LRP1B: variants seen among roughly 807,000 people sequenced by gnomAD.
LRP1B encodes low-density lipoprotein receptor-related protein 1B.
LRP1B carries 217 observed loss-of-function variants against 556.6 expected under a neutral mutation model. That is an observed-to-expected ratio of 0.39 (90% CI 0.35 to 0.44). LRP1B has a LOEUF of 0.44. Ranked by LOEUF, LRP1B falls within the 20% of genes least tolerant of loss-of-function variation. LRP1B has a pLI of 1.00. For synonymous variants in LRP1B, 2,047 were observed against 1,865.8 expected (o/e 1.10, Z -2.50); for missense variants, 5,053 against 5,620.8 (o/e 0.90, Z 3.23).
intron 89 of LRP1B, among the ~76,000 whole-genome samples, chr2:140,236,823 T>C (rs1379162213): frequency 6.6e-6 from 1 of 150,996 alleles, no homozygotes; most frequent in Non-Finnish European, 1.5e-5. Flanking sequence ...AAAAATACAC[T>C]GACCAAGATT....
In LRP1B at chr2:140,274,552, C is replaced by T; in HGVS notation, c.13014G>A (p.Gly4338=). The T allele has an allele frequency of 4.3e-6, 7 of 1,612,474 alleles. No homozygotes were observed. The highest frequency in any genetic ancestry group is 5.9e-6 in the Non-Finnish European group (7 of 1,179,022). ...AGACACATTCAACACTTCCATCATC[C>T]CCAATGGTACATGATTCAGAATTCA... ...YCVNSESCTI[G]DDGSVECVCP... The change falls in exon 85 of 91, where the codon GGG becomes GGA. Residue 4338 remains glycine, a synonymous_variant. Coordinates refer to ENST00000389484, the MANE Select transcript of LRP1B (RefSeq NM_018557.3).
chr2:141,969,623 T>C (rs1701667704), intron 1 of LRP1B, among the ~76,000 whole-genome samples: 1 of 151,696 alleles, frequency 6.6e-6, no homozygotes, highest in African/African-American at 2.4e-5. Context: ...ACTGTGTTTC[T>C]ACACCATACT....
rs1162544476 is a variant in LRP1B at position 141,013,688 on chromosome 2, A to G, written c.2248T>C (p.Tyr750His). The G allele has an allele frequency of 6.2e-7, 1 of 1,604,270 alleles. No individual in the cohort carries two copies. Among genetic ancestry groups the G allele is most frequent in the Non-Finnish European group, 8.5e-7 (1 of 1,175,552 alleles). Reference protein sequence around the residue: ...HPFGLSHHGNYVFWTDYMNGS... With the variant: ...HPFGLSHHGNHVFWTDYMNGS... ...TTCATATAATCAGTCCAGAACACAT[A>G]ATTTCCATGATGCGACAGTCCGAAA... Residue 750 changes from tyrosine to histidine, a missense_variant, in exon 14 of 91, where the codon TAT (tyrosine) becomes CAT (histidine). Physicochemically the swap from Tyr to His is moderately conservative, Grantham distance 83 (BLOSUM62 2). Transcript: ENST00000389484.
At chr2:140,773,753 A>T (rs1312419839) in intron 33 of LRP1B, among the ~76,000 whole-genome samples, 2 of 151,884 alleles carry the variant, frequency 1.3e-5, no homozygotes, top group Admixed American at 6.6e-5. Flanking sequence ...AGAAATTAAT[A>T]GTGAAGGAGA....
rs560222496 is a variant in LRP1B, at chr2:141,896,546, A to G, written c.83-86145T>C. Among the ~76,000 whole-genome samples the G allele has an allele frequency of 1.6e-4, 24 of 152,258 alleles. No homozygotes were observed. In the South Asian group the frequency reaches 4.3e-3, roughly 28 times the overall value. On this transcript the variant is annotated intron_variant, in intron 1 of 90. Transcript: ENST00000389484. ...TTTCAAATTATTATTGATAAAGCAC[A>G]TTTTGAAATTCTTTTCCTTCATTTG...
rs1680110421 is a variant in LRP1B at position 140,540,960 on chromosome 2, TC to T, written c.7513+12del. ...CAGATTTGTCATATTACATTTCAAT[TC>T]CCTTTACTTACTCACACATCTGTTG... On this transcript the variant is annotated intron_variant, in intron 45 of 90. Transcript: ENST00000389484. The T allele has an allele frequency of 6.2e-7, 1 of 1,602,658 alleles. No homozygotes were observed. The highest frequency in any genetic ancestry group is 8.5e-7 in the Non-Finnish European group (1 of 1,174,680).
At chr2:141,746,898 T>G (rs1395542239) in intron 2 of LRP1B, among the ~76,000 whole-genome samples, 2 of 152,154 alleles carry the variant, frequency 1.3e-5, no homozygotes, top group African/African-American at 4.8e-5. Context: ...GCAAGTGATA[T>G]TCCCTCAATG....
intron 1 of LRP1B, among the ~76,000 whole-genome samples, chr2:141,917,414 T>C (rs577097479): frequency 5.3e-5 from 8 of 152,336 alleles, no homozygotes; most frequent in Non-Finnish European, 1.5e-5. Flanking sequence ...TATACCCACA[T>C]TGAGCTACTG....
At chr2:140,637,406 G>T (rs750099490) in intron 41 of LRP1B, among the ~76,000 whole-genome samples, 27 of 152,148 alleles carry the variant, frequency 1.8e-4, no homozygotes, top group Non-Finnish European at 3.4e-4. Context: ...AGGTCTTGGG[G>T]TGTACATAAT....
At chr2:140,675,531 T>G (rs2105367368) in intron 41 of LRP1B, among the ~76,000 whole-genome samples, 1 of 152,354 alleles carries the variant, frequency 6.6e-6, no homozygotes, top group East Asian at 1.9e-4. Context: ...TGCTGAAAGT[T>G]ACCAAATAGT....
At chr2:140,298,109 T>A in intron 83 of LRP1B, 140 bp from the exon 84 acceptor site, 1 of 621,608 alleles carries the variant, frequency 1.6e-6, no homozygotes, top group Non-Finnish European at 2.6e-6. Context: ...CTTTAGGCAG[T>A]AACAAGACTT....
chr2:140,586,833 A>G (rs1682005178), intron 43 of LRP1B: 2 of 152,182 alleles, frequency 1.3e-5, no homozygotes, highest in South Asian at 4.1e-4. Flanking sequence ...ATTACTCATC[A>G]TACCGAGAAC....
chr2:140,940,677 G>C (rs373693489), intron 20 of LRP1B, among the ~76,000 whole-genome samples: 110 of 152,162 alleles, frequency 7.2e-4, no homozygotes, highest in African/African-American at 2.5e-3. Flanking sequence ...ATCACTGATG[G>C]GCATTTGAAT....
At chr2:141,232,489 A>G (rs1683507719) in intron 5 of LRP1B, among the ~76,000 whole-genome samples, 1 of 152,194 alleles carries the variant, frequency 6.6e-6, no homozygotes. Flanking sequence ...GGGCATAAAC[A>G]TTCTTTGAAG....
intron 2 of LRP1B, among the ~76,000 whole-genome samples, chr2:141,610,575 A>T (rs918003339): frequency 6.6e-6 from 1 of 152,050 alleles, no homozygotes; most frequent in African/African-American, 2.4e-5. Context: ...CCTTTCTACC[A>T]TAAGGTACCC....
chr2:141,836,839 T>C, intron 1 of LRP1B, among the ~76,000 whole-genome samples: 1 of 152,110 alleles, frequency 6.6e-6, no homozygotes, highest in Non-Finnish European at 1.5e-5. Context: ...TATTTAAAAA[T>C]AATCTTAAAA....
At chr2:141,790,783 C>T (rs966059657) in intron 2 of LRP1B, among the ~76,000 whole-genome samples, 1 of 151,810 alleles carries the variant, frequency 6.6e-6, no homozygotes, top group East Asian at 1.9e-4. Flanking sequence ...ATGTTATATG[C>T]ATTACAAATA....
At chr2:141,478,414 A>G (rs999570974) in intron 3 of LRP1B, among the ~76,000 whole-genome samples, 3 of 152,226 alleles carry the variant, frequency 2.0e-5, no homozygotes, top group African/African-American at 7.2e-5. Context: ...ATTATAACTG[A>G]GTTGAATAAA....
At chr2:140,262,742 C>T (rs1273090220) in intron 86 of LRP1B, among the ~76,000 whole-genome samples, 1 of 152,098 alleles carries the variant, frequency 6.6e-6, no homozygotes, top group Non-Finnish European at 1.5e-5. Flanking sequence ...TCACTCTCCT[C>T]TACTATGTCC....
Sources: allele counts gnomAD v4.1 joint callset (sites outside exome capture counted in the v4.1 genomes callset), GRCh38; gene constraint gnomAD v4.1.1; transcripts MANE v1.5; gene names NCBI Gene and HGNC (gene_info 2026-07-23, HGNC 2026-07-21).